PPP2R2B: variants seen among roughly 807,000 people sequenced by gnomAD.
PPP2R2B encodes protein phosphatase 2 regulatory subunit Bbeta.
A neutral mutation model predicts 46.0 loss-of-function variants in PPP2R2B; 5 were observed. The ratio of observed to expected loss-of-function variants is 0.11; its 90% CI spans 0.06 to 0.23. The LOEUF (loss-of-function observed/expected upper bound fraction) is 0.23, where lower values mean the gene tolerates loss of function less well. PPP2R2B is among the 10% of genes least tolerant of loss of function. The pLI, the probability that PPP2R2B is intolerant of heterozygous loss-of-function variation, is 1.00. For synonymous variants in PPP2R2B, 215 were observed against 206.7 expected (o/e 1.04, Z -0.34); for missense variants, 367 against 575.0 (o/e 0.64, Z 3.70).
chr5:146,800,269 A>G (rs578192701), intron 2 of PPP2R2B, among the ~76,000 whole-genome samples: 4 of 152,252 alleles, frequency 2.6e-5, no homozygotes, highest in Admixed American at 1.3e-4. Flanking sequence ...CTATCTATGG[A>G]TCAAGCATTC....
intron 1 of PPP2R2B, among the ~76,000 whole-genome samples, chr5:146,997,732 G>T (rs1353025979): frequency 6.6e-6 from 1 of 152,136 alleles, no homozygotes; most frequent in Non-Finnish European, 1.5e-5. Context: ...AGAATGGATA[G>T]AATTTAATTT....
At chr5:146,738,216 G>A (rs565038601) in intron 2 of PPP2R2B, among the ~76,000 whole-genome samples, 2 of 151,834 alleles carry the variant, frequency 1.3e-5, no homozygotes, top group South Asian at 4.2e-4. Flanking sequence ...CTAACACAGT[G>A]AAACCCCGTC....
At chr5:146,922,519 C>T (rs540776111) in intron 1 of PPP2R2B, 1 of 152,318 alleles carries the variant, frequency 6.6e-6, no homozygotes, top group East Asian at 1.9e-4. Flanking sequence ...TCTTCAACAT[C>T]CTAGACTCCA....
chr5:146,940,231 A>G (rs967994810), intron 1 of PPP2R2B, among the ~76,000 whole-genome samples: 2 of 152,186 alleles, frequency 1.3e-5, no homozygotes, highest in East Asian at 1.9e-4. Flanking sequence ...TAATAGAGCT[A>G]CAAGTCTCAG....
At chr5:146,605,956 A>G (rs1198322533) in intron 7 of PPP2R2B, among the ~76,000 whole-genome samples, 2 of 152,216 alleles carry the variant, frequency 1.3e-5, no homozygotes. Context: ...ATGGAGCTGT[A>G]AGTATCTTGT....
chr5:146,949,661 A>G (rs1471095596), intron 1 of PPP2R2B, among the ~76,000 whole-genome samples: 1 of 152,046 alleles, frequency 6.6e-6, no homozygotes, highest in African/African-American at 2.4e-5. Context: ...TCTACCTAGC[A>G]GGTATATCCC....
At chr5:146,880,388 G>A (rs1172065668), upstream of PPP2R2B, among the ~76,000 whole-genome samples, 8 of 152,152 alleles carry the variant, frequency 5.3e-5, no homozygotes, top group African/African-American at 1.9e-4. Flanking sequence ...TGTCGTGGCT[G>A]GTTCTTCCAT....
At chr5:146,877,755 GC>G (rs1347794602) in intron 2 of PPP2R2B, among the ~76,000 whole-genome samples, 1 of 152,132 alleles carries the variant, frequency 6.6e-6, no homozygotes, top group Non-Finnish European at 1.5e-5. Context: ...CCCTGAAAAA[GC>G]CTAATCCCTG....
chr5:146,847,537 G>T (rs1351605913), intron 2 of PPP2R2B, among the ~76,000 whole-genome samples: 1 of 152,196 alleles, frequency 6.6e-6, no homozygotes, highest in South Asian at 2.1e-4. Context: ...GCAAGGGAAA[G>T]CATCTCCTGG....
chr5:146,742,181 G>A (rs1248239517), intron 2 of PPP2R2B, among the ~76,000 whole-genome samples: 1 of 152,196 alleles, frequency 6.6e-6, no homozygotes, highest in Non-Finnish European at 1.5e-5. Flanking sequence ...TGATACTGCA[G>A]GAAATTGTTG....
chr5:146,876,510 C>T (rs1483421834), intron 2 of PPP2R2B, among the ~76,000 whole-genome samples: 1 of 152,160 alleles, frequency 6.6e-6, no homozygotes, highest in Admixed American at 6.5e-5. Context: ...TGCTTAGATA[C>T]AGAGTTAGTC....
chr5:146,661,212 T>G (rs1349357066), intron 5 of PPP2R2B, among the ~76,000 whole-genome samples: 2 of 152,156 alleles, frequency 1.3e-5, no homozygotes, highest in Admixed American at 6.6e-5. Context: ...GGGAGGTAGC[T>G]AAACTCATTT....
At chr5:146,628,655 G>C (rs1774220832) in intron 7 of PPP2R2B, among the ~76,000 whole-genome samples, 1 of 152,214 alleles carries the variant, frequency 6.6e-6, no homozygotes, top group Non-Finnish European at 1.5e-5. Flanking sequence ...ATGGAATTAA[G>C]ATGCTACTGC....
In PPP2R2B at chr5:146,697,968, A is replaced by C. The variant is rs1187422531; in HGVS notation, c.334+11T>G. 1.2e-6 allele frequency: 2 copies of C among 1,603,126 alleles called. No individual in the cohort carries two copies. Among genetic ancestry groups the C allele is most frequent in the South Asian group, 2.2e-5 (2 of 89,278 alleles). On this transcript the variant is annotated intron_variant, in intron 4 of 9. Coordinates refer to ENST00000394411, the MANE Select transcript of PPP2R2B (RefSeq NM_181675.4). ...GTATCTCTGAAAATACCAAACAGGA[A>C]TTCCACCTACCATTAGTAGACAGAA...
intron 2 of PPP2R2B, among the ~76,000 whole-genome samples, chr5:146,741,862 G>A (rs1156303392): frequency 6.6e-6 from 1 of 152,174 alleles, no homozygotes; most frequent in Non-Finnish European, 1.5e-5. Flanking sequence ...AGTCTGTTTT[G>A]ACAGATCGAT....
At chr5:146,724,012 A>G (rs1751690169) in intron 2 of PPP2R2B, among the ~76,000 whole-genome samples, 2 of 152,086 alleles carry the variant, frequency 1.3e-5, no homozygotes, top group South Asian at 4.2e-4. Context: ...TCTTATTTTC[A>G]ATTTTTATAT....
chr5:146,636,529 G>T (rs1036055913), intron 7 of PPP2R2B, among the ~76,000 whole-genome samples: 1 of 152,180 alleles, frequency 6.6e-6, no homozygotes, highest in African/African-American at 2.4e-5. Flanking sequence ...TGCCTTTGCT[G>T]GTAGGTTGGG....
chr5:146,950,587 C>T (rs1764622549), intron 1 of PPP2R2B, among the ~76,000 whole-genome samples: 1 of 152,012 alleles, frequency 6.6e-6, no homozygotes, highest in Non-Finnish European at 1.5e-5. Flanking sequence ...CAAGTACTGA[C>T]AGCTCTTTTT....
chr5:146,989,582 A>G (rs1038118416), intron 1 of PPP2R2B, among the ~76,000 whole-genome samples: 2 of 152,086 alleles, frequency 1.3e-5, no homozygotes, highest in Non-Finnish European at 2.9e-5. Flanking sequence ...CAAACTGAGT[A>G]TAAAGGAACA....
Sources: gnomAD v4.1 joint callset for allele counts (sites outside exome capture counted in the v4.1 genomes callset) on GRCh38, gnomAD v4.1.1 for gene constraint, MANE v1.5 for transcripts, NCBI Gene and HGNC (gene_info 2026-07-23, HGNC 2026-07-21) for gene names.